Variants in CPSF7 observed in about 807,000 individuals in gnomAD.
The protein encoded by CPSF7 is cleavage and polyadenylation specificity factor subunit 7.
In CPSF7, 1 loss-of-function variant was observed where a neutral mutation model predicts 44.3. The observed-to-expected ratio is 0.02, with a 90% CI of 0.01 to 0.11. The LOEUF is 0.11. CPSF7 is among the 10% of genes least tolerant of loss of function. The probability of loss-of-function intolerance (pLI) is 1.00; values close to 1 mark genes in which losing one functional copy is unlikely to be tolerated. For synonymous variants in CPSF7, 202 were observed against 222.0 expected (o/e 0.91, Z 0.80); for missense variants, 443 against 607.2 (o/e 0.73, Z 2.84).
intron 7 of CPSF7, 142 bp from the exon 8 acceptor site, chr11:61,412,079 C>G: frequency 3.1e-6 from 2 of 641,414 alleles, no homozygotes; most frequent in South Asian, 4.0e-5. Context: ...GCAGATGTTG[C>G]AAGTGTAAAA....
At chr11:61,416,059 C>A (rs762697347) in intron 6 of CPSF7, 46 bp downstream of exon 6, 2 of 1,446,134 alleles carry the variant, frequency 1.4e-6, no homozygotes, top group Admixed American at 2.5e-5. Flanking sequence ...ATGCTTAATA[C>A]ACTTATTTAC....
At chr11:61,406,173 A>T (rs1297729069) in intron 9 of CPSF7, 2 of 152,200 alleles carry the variant, frequency 1.3e-5, no homozygotes, top group African/African-American at 2.4e-5. Flanking sequence ...CCATGGCTAC[A>T]TTTTGGTGCC....
intron 2 of CPSF7, among the ~76,000 whole-genome samples, chr11:61,427,957 G>A (rs912205789): frequency 1.3e-5 from 2 of 152,292 alleles, no homozygotes. Flanking sequence ...GTCAAACCAG[G>A]GAACTTTCCC....
rs180796221 is a variant in CPSF7, at chr11:61,412,535, C to T, written c.1058-598G>A. ...TGATCTCCTGACCCTGTGATCCGCC[C>T]GCCTTGGCCTCCCAAAGTGCTGGGA... On this transcript the variant is annotated intron_variant, in intron 7 of 9. Transcript: ENST00000439958. 2.3e-3 allele frequency among the ~76,000 whole-genome samples: 350 copies of T among 152,284 alleles called. 1 individual carries two copies. The highest frequency in any genetic ancestry group is 7.9e-3 in the African/African-American group (329 of 41,572).
In CPSF7 at chr11:61,429,269, G is replaced by A. The variant is rs1230479454; in HGVS notation, c.-34C>T. ...AAGGAAGATCGCGAGTCCGGAGGAT[G>A]GACAAAGTAAGGAAGATGCCACTGC... On this transcript the variant is annotated 5_prime_UTR_variant, in exon 2 of 10. Transcript: ENST00000439958. The A allele has an allele frequency of 1.9e-6, 3 of 1,612,386 alleles. No individual in the cohort carries two copies. Among genetic ancestry groups the A allele is most frequent in the East Asian group, 2.2e-5 (1 of 44,882 alleles).
intron 7 of CPSF7, among the ~76,000 whole-genome samples, chr11:61,413,534 G>A (rs72929145): frequency 6.6e-6 from 1 of 152,024 alleles, no homozygotes; most frequent in Non-Finnish European, 1.5e-5. Context: ...GGGGGGCTGA[G>A]GCAGGAGAAT....
In CPSF7 at chr11:61,419,384, G is replaced by C. The variant is rs560692242; in HGVS notation, c.523+565C>G. ...AGACTAAAACATTTGGTAATCAAAA[G>C]AGCACCCTCTCCCCTGGACAATGCT... On this transcript the variant is annotated intron_variant, in intron 5 of 9. Transcript: ENST00000439958. Among the ~76,000 whole-genome samples the C allele has an allele frequency of 3.9e-5, 6 of 152,274 alleles. No individual in the cohort carries two copies. The East Asian group carries it at 1.2e-3, about 29-fold the overall frequency.
intron 2 of CPSF7, among the ~76,000 whole-genome samples, chr11:61,424,751 CCTT>C (rs1398234145): frequency 6.6e-6 from 1 of 151,974 alleles, no homozygotes; most frequent in Non-Finnish European, 1.5e-5. Context: ...CTGCACCCAG[CCTT>C]CTTTTTTTTT....
chr11:61,429,355 T>C (rs1360776867), intron 1 of CPSF7, 65 bp from the exon 2 acceptor site: 13 of 976,834 alleles, frequency 1.3e-5, no homozygotes, highest in East Asian at 2.4e-5. Flanking sequence ...AAGAGGGTAA[T>C]GATTGCTAAC....
chr11:61,422,529 C>T (rs891710273), intron 2 of CPSF7, among the ~76,000 whole-genome samples: 1 of 152,066 alleles, frequency 6.6e-6, no homozygotes, highest in Non-Finnish European at 1.5e-5. Context: ...GTTGCCCAGG[C>T]TAGTCTGGAA....
chr11:61,429,571 C>T, intron 1 of CPSF7: 1 of 656,818 alleles, frequency 1.5e-6, no homozygotes, highest in South Asian at 2.0e-5. Context: ...GTCCTAGTGG[C>T]CCTAGGACGG....
At chr11:61,420,627 G>C (rs1860773831) in intron 3 of CPSF7, 54 bp from the exon 4 acceptor site, 5 of 1,375,128 alleles carry the variant, frequency 3.6e-6, no homozygotes, top group Non-Finnish European at 5.2e-6. Flanking sequence ...ACCCCCGCCC[G>C]CCAATGTCCC....
chr11:61,411,631 C>T, intron 8 of CPSF7, 138 bp downstream of exon 8: 2 of 681,156 alleles, frequency 2.9e-6, no homozygotes. Flanking sequence ...AGTTTCTTCC[C>T]CAAAAAGACA....
At chr11:61,427,937 C>T (rs968862333) in intron 2 of CPSF7, among the ~76,000 whole-genome samples, 19 of 152,288 alleles carry the variant, frequency 1.2e-4, no homozygotes, top group African/African-American at 4.6e-4. Flanking sequence ...TGCCTCATAT[C>T]AAAGTCAGGG....
intron 9 of CPSF7, among the ~76,000 whole-genome samples, chr11:61,405,396 A>G (rs1042281411): frequency 2.0e-5 from 3 of 152,198 alleles, no homozygotes; most frequent in Admixed American, 2.0e-4. Context: ...GCCATAGGTG[A>G]GGAACCAGGA....
intron 5 of CPSF7, among the ~76,000 whole-genome samples, chr11:61,417,485 T>C (rs951652933): frequency 6.6e-6 from 1 of 152,154 alleles, no homozygotes; most frequent in African/African-American, 2.4e-5. Context: ...CACATGGCTT[T>C]GGGGGGGTCT....
chr11:61,416,718 ATCG>A (rs1860374264), intron 5 of CPSF7, among the ~76,000 whole-genome samples, 199 bp from the exon 6 acceptor site: 1 of 152,224 alleles, frequency 6.6e-6, no homozygotes, highest in Non-Finnish European at 1.5e-5. Context: ...AAAAAACAAT[ATCG>A]TCCTAAATCC....
intron 2 of CPSF7, 59 bp downstream of exon 2, chr11:61,429,123 G>C (rs567292964): frequency 4.0e-6 from 4 of 1,008,652 alleles, no homozygotes; most frequent in Admixed American, 3.5e-5. Flanking sequence ...CTGCCAGTTT[G>C]CTGAAAATGA....
rs2135214686 is a variant in CPSF7, at chr11:61,403,987, A to T, written c.*723T>A. 1 of 152,840 alleles carries T rather than the reference A, an allele frequency of 6.5e-6. No individual in the cohort carries two copies. Among genetic ancestry groups the T allele is most frequent in the Admixed American group, 6.5e-5 (1 of 15,308 alleles). The allele number at this position is 152,840 out of a possible 1,614,324, so 9.5% of individuals were successfully genotyped here. ...AATTGGCTCTGCCAGGCTTCCCAGC[A>T]GCAAGCAACCTCATAGGCCTTCTCT... On this transcript the variant is annotated 3_prime_UTR_variant, in exon 10 of 10. Coordinates refer to ENST00000439958, the MANE Select transcript of CPSF7 (RefSeq NM_001142565.3).
Sources: allele counts gnomAD v4.1 joint callset (sites outside exome capture counted in the v4.1 genomes callset), GRCh38; gene constraint gnomAD v4.1.1; transcripts MANE v1.5; gene names NCBI Gene and HGNC (gene_info 2026-07-23, HGNC 2026-07-21).